The following TBCD variants were observed in gnomAD, a reference collection of about 807,000 sequenced individuals.
TBCD encodes the protein tubulin-specific chaperone D.
A neutral mutation model predicts 169.3 loss-of-function variants in TBCD; 105 were observed. The ratio of observed to expected loss-of-function variants is 0.62; its 90% CI spans 0.53 to 0.73. The LOEUF (loss-of-function observed/expected upper bound fraction) is 0.73. Ranked by LOEUF, TBCD falls within the 30% of genes least tolerant of loss-of-function variation. The pLI, the probability that TBCD is intolerant of heterozygous loss-of-function variation, is 0.00. For synonymous variants in TBCD, 700 were observed against 643.9 expected (o/e 1.09, Z -1.32); for missense variants, 1,444 against 1,600.1 (o/e 0.90, Z 1.66).
At chr17:82,860,513 A>G in intron 13 of TBCD, 1 of 890,128 alleles carries the variant, frequency 1.1e-6, no homozygotes. Flanking sequence ...TGCAAACAGC[A>G]ATTACTTGGG....
chr17:82,753,424 T>C (rs377456750), intron 1 of TBCD, among the ~76,000 whole-genome samples: 4 of 149,048 alleles, frequency 2.7e-5, no homozygotes, highest in African/African-American at 9.9e-5. Flanking sequence ...TTGTTCCTGG[T>C]GTAACAGCCC....
At chr17:82,829,869 C>T (rs1310254172) in intron 13 of TBCD, 3 of 511,792 alleles carry the variant, frequency 5.9e-6, no homozygotes, top group Admixed American at 3.4e-5. Flanking sequence ...AAAAGATCTT[C>T]TGTAAGACAG....
chr17:82,842,640 G>A (rs1567872281), intron 13 of TBCD, among the ~76,000 whole-genome samples: 1 of 152,158 alleles, frequency 6.6e-6, no homozygotes, highest in African/African-American at 2.4e-5. Context: ...GTGCAAGAGA[G>A]ATTTTTTTGG....
chr17:82,874,416 G>A lies in TBCD; in HGVS notation c.1475+4036G>A, dbSNP rs942591661. Among the ~76,000 whole-genome samples, 2 of 152,106 alleles carry A rather than the reference G, an allele frequency of 1.3e-5. No individual in the cohort carries two copies. The highest frequency in any genetic ancestry group is 6.5e-5 in the Admixed American group (1 of 15,278). Reference sequence around the variant, plus strand: ...TTTGGTTTTTGGAGGTCCTGGGTGCGTCTCCACCATGGCTCCCGGGTTCCC... The same window carrying A: ...TTTGGTTTTTGGAGGTCCTGGGTGCATCTCCACCATGGCTCCCGGGTTCCC... On this transcript the variant is annotated intron_variant, in intron 14 of 38. Transcript: ENST00000355528. This position sits in a 1 kb window ranked among gnomAD's most constrained non-coding sequence, Gnocchi z 5.0.
In TBCD at chr17:82,777,552, C is replaced by T. The variant is rs146276632; in HGVS notation, c.639-4037C>T. 9.1e-3 allele frequency among the ~76,000 whole-genome samples: 1,383 copies of T among 152,258 alleles called. 12 individuals carry two copies. Among genetic ancestry groups the T allele is most frequent in the African/African-American group, 0.032 (1,330 of 41,526 alleles). On this transcript the variant is annotated intron_variant, in intron 6 of 38. Transcript: ENST00000355528. ...TCTCGTGGGTCACGTGTCCACTGGA[C>T]GGGGGGCCCTTCCCTGCCTGGCAGC...
intron 35 of TBCD, 49 bp from the exon 36 acceptor site, chr17:82,938,000 G>A: frequency 6.2e-7 from 1 of 1,605,308 alleles, no homozygotes; most frequent in Non-Finnish European, 8.5e-7. Flanking sequence ...TGCTGGGGTT[G>A]GCCTGCGCGG....
chr17:82,785,784 G>GA (rs58001778), intron 7 of TBCD, among the ~76,000 whole-genome samples: 6 of 124,170 alleles, frequency 4.8e-5, no homozygotes, highest in East Asian at 2.5e-4. Context: ...ACTGGATCCC[G>GA]CCCATCGCAG....
chr17:82,830,795 C>T lies in TBCD; in HGVS notation c.1318+15861C>T, dbSNP rs769210534. 19 of 1,613,450 alleles carry T rather than the reference C, an allele frequency of 1.2e-5. 1 individual carries two copies. In the Admixed American group the frequency reaches 1.7e-4, roughly 14 times the overall value. On this transcript the variant is annotated intron_variant, in intron 13 of 38. Transcript: ENST00000355528. ...TTGAGGGGGCCCATCCCGGAGCTGT[C>T]GTCCGGACTGGAAGGCGCGGCCTCC...
rs970662513 is a variant in TBCD at position 82,782,593 on chromosome 17, T to C, written c.771+872T>C. Among the ~76,000 whole-genome samples, 2 of 152,118 alleles carry C rather than the reference T, an allele frequency of 1.3e-5. No individual in the cohort carries two copies. Among genetic ancestry groups the C allele is most frequent in the Non-Finnish European group, 2.9e-5 (2 of 68,014 alleles). ...CTGGCCTCAAGTGATCCTCCTGCCT[T>C]TGTGATGATCCCAAAGTGCTGGGAT... On this transcript the variant is annotated intron_variant, in intron 7 of 38. Coordinates refer to ENST00000355528, the MANE Select transcript of TBCD (RefSeq NM_005993.5). The surrounding 1 kb of genome is among the most constrained non-coding windows in gnomAD (Gnocchi z 5.1).
intron 14 of TBCD, chr17:82,877,042 A>G (rs1021795187): frequency 3.2e-5 from 28 of 879,030 alleles, no homozygotes; most frequent in African/African-American, 2.9e-4. Flanking sequence ...TCATTAATCA[A>G]TGTTCCACAC....
In TBCD at chr17:82,915,558, G is replaced by A. The variant is rs2060969787; in HGVS notation, c.2038+3769G>A. On this transcript the variant is annotated intron_variant, in intron 23 of 38. Transcript: ENST00000355528. This position sits in a 1 kb window ranked among gnomAD's most constrained non-coding sequence, Gnocchi z 4.3. ...AGGAAAGAAACAGGAACTCTGTTTA[G>A]TGAAGCAGCGATGAAGGAGGGGTTT... Among the ~76,000 whole-genome samples, 1 of 152,228 alleles carries A rather than the reference G, an allele frequency of 6.6e-6. No homozygotes were observed. The highest frequency in any genetic ancestry group is 2.4e-5 in the African/African-American group (1 of 41,458).
chr17:82,872,478 C>T (rs1215006417), intron 14 of TBCD, among the ~76,000 whole-genome samples: 4 of 152,128 alleles, frequency 2.6e-5, no homozygotes, highest in Admixed American at 1.3e-4. Context: ...AGGCCCCTGC[C>T]GAGCTCCTGA....
chr17:82,853,982 CA>C (rs2056038053), intron 13 of TBCD, among the ~76,000 whole-genome samples: 1 of 152,104 alleles, frequency 6.6e-6, no homozygotes, highest in Non-Finnish European at 1.5e-5. Flanking sequence ...GGTTTGGAAT[CA>C]TCTATTCTGT....
At chr17:82,916,245 CT>C (rs536424725) in intron 23 of TBCD, among the ~76,000 whole-genome samples, 20 of 148,168 alleles carry the variant, frequency 1.3e-4, no homozygotes, top group South Asian at 2.1e-4. Context: ...GCTTTTTCCA[CT>C]TTTTTTTTTT....
At chr17:82,844,210 T>TGTGTGTGTGTGTGTGTGTGTGA (rs2145510869) in intron 13 of TBCD, among the ~76,000 whole-genome samples, 1 of 146,928 alleles carries the variant, frequency 6.8e-6, no homozygotes, top group South Asian at 2.3e-4. Context: ...GTTCTCCGTG[T>TGTGTGTGTGTGTGTGTGTGTGA]GTGTGTGTGT....
chr17:82,847,992 C>T (rs188489234), intron 13 of TBCD, among the ~76,000 whole-genome samples: 1 of 152,298 alleles, frequency 6.6e-6, no homozygotes, highest in Non-Finnish European at 1.5e-5. Flanking sequence ...GGGAGTAGAG[C>T]AAACGGCCCC....
intron 17 of TBCD, among the ~76,000 whole-genome samples, chr17:82,895,317 T>G (rs1027823030): frequency 6.6e-5 from 10 of 152,128 alleles, no homozygotes; most frequent in African/African-American, 2.4e-4. Flanking sequence ...GGGGCCCCCC[T>G]GCACCCGAGG....
chr17:82,887,158 TGTGTGTGTGTGCGCGCGC>T (rs1260832182), intron 15 of TBCD, among the ~76,000 whole-genome samples: 14 of 108,256 alleles, frequency 1.3e-4, no homozygotes, highest in African/African-American at 6.4e-4. Context: ...TGTGTGTGTG[TGTGTGTGTGTGCGCGCGC>T]GCGCACGTGC....
At position 82,789,455 on chromosome 17, in the gene TBCD, C is replaced by G. The variant is rs902761326; in HGVS notation, c.771+7734C>G. ...GCTTGGCGGGTCACCAGCCTCACCCCGCTCAGTTCTTAGATGAGGAAGAGA... is the reference window on the plus strand; with the variant it reads ...GCTTGGCGGGTCACCAGCCTCACCCGGCTCAGTTCTTAGATGAGGAAGAGA... On this transcript the variant is annotated intron_variant, in intron 7 of 38. Transcript: ENST00000355528. The surrounding 1 kb of genome is among the most constrained non-coding windows in gnomAD (Gnocchi z 4.8). 6.6e-6 allele frequency among the ~76,000 whole-genome samples: 1 copy of G among 152,336 alleles called. No individual in the cohort carries two copies. Among genetic ancestry groups the G allele is most frequent in the African/African-American group, 2.4e-5 (1 of 41,584 alleles).
Sources: gnomAD v4.1 joint callset for allele counts (sites outside exome capture counted in the v4.1 genomes callset) on GRCh38, gnomAD v4.1.1 for gene constraint, Gnocchi (gnomAD v3.1) non-coding constraint, MANE v1.5 for transcripts, NCBI Gene and HGNC (gene_info 2026-07-23, HGNC 2026-07-21) for gene names.